Variants in LIMCH1 observed in about 807,000 individuals in gnomAD.
The protein encoded by LIMCH1 is LIM and calponin homology domains-containing protein 1.
A neutral mutation model predicts 176.5 loss-of-function variants in LIMCH1; 113 were observed. The observed-to-expected ratio is 0.64, with a 90% CI of 0.55 to 0.75. The LOEUF is 0.75. Among genes scored for constraint, LIMCH1 ranks in the 30% least tolerant of loss-of-function variants. The pLI is 0.00. For synonymous variants in LIMCH1, 619 were observed against 645.9 expected (o/e 0.96, Z 0.63); for missense variants, 1,674 against 1,814.9 (o/e 0.92, Z 1.41).
intron 15 of LIMCH1, among the ~76,000 whole-genome samples, chr4:41,645,212 A>G (rs1327859312): frequency 1.3e-5 from 2 of 152,202 alleles, no homozygotes; most frequent in Non-Finnish European, 2.9e-5. Context: ...GTGTGCTGAG[A>G]GCCAAAGCGG....
At chr4:41,409,964 G>T (rs1314152969) in intron 1 of LIMCH1, among the ~76,000 whole-genome samples, 2 of 152,130 alleles carry the variant, frequency 1.3e-5, no homozygotes, top group Non-Finnish European at 2.9e-5. Context: ...AAAAACAAAA[G>T]AGAAAAACAT....
chr4:41,649,313 T>C (rs549358246), intron 17 of LIMCH1, among the ~76,000 whole-genome samples: 1 of 152,104 alleles, frequency 6.6e-6, no homozygotes, highest in African/African-American at 2.4e-5. Flanking sequence ...GGCATGAGAA[T>C]TGCTTGAACC....
At chr4:41,664,430 C>T (rs1474343113) in intron 20 of LIMCH1, among the ~76,000 whole-genome samples, 2 of 152,150 alleles carry the variant, frequency 1.3e-5, no homozygotes, top group Non-Finnish European at 2.9e-5. Context: ...TGCCTGTTGC[C>T]TTGATGCGTT....
chr4:41,423,941 C>T lies in LIMCH1; in HGVS notation c.96+63005C>T, dbSNP rs75028305. On this transcript the variant is annotated intron_variant, in intron 1 of 26. Transcript: ENST00000313860. ...GGTGTTTCAGGCTGCCAGGGCCAGT[C>T]AATGAGTTACTCTTTGCCCATGAGT... Among the ~76,000 whole-genome samples the T allele has an allele frequency of 1.4e-4, 21 of 152,046 alleles. No homozygotes were observed. In the East Asian group the frequency reaches 3.9e-3, roughly 28 times the overall value.
At chr4:41,548,649 C>A (rs1234865388) in intron 1 of LIMCH1, among the ~76,000 whole-genome samples, 1 of 152,160 alleles carries the variant, frequency 6.6e-6, no homozygotes, top group Non-Finnish European at 1.5e-5. Context: ...AATCCTGATG[C>A]CTTCCAGATA....
chr4:41,494,331 A>G (rs1237568893), intron 1 of LIMCH1, among the ~76,000 whole-genome samples: 1 of 149,650 alleles, frequency 6.7e-6, no homozygotes, highest in Non-Finnish European at 1.5e-5. Context: ...ATACATATAT[A>G]TACACATACA....
At chr4:41,491,230 CAG>C (rs2154173361) in intron 1 of LIMCH1, among the ~76,000 whole-genome samples, 1 of 144,156 alleles carries the variant, frequency 6.9e-6, no homozygotes, top group East Asian at 2.1e-4. Flanking sequence ...CCCAACTTCC[CAG>C]ATGGGGCGGC....
intron 1 of LIMCH1, among the ~76,000 whole-genome samples, chr4:41,408,964 G>C (rs939961948): frequency 6.6e-6 from 1 of 152,104 alleles, no homozygotes; most frequent in African/African-American, 2.4e-5. Context: ...TTAGTTGTAG[G>C]AATCAATGAC....
At chr4:41,493,663 G>A (rs1292699570) in intron 1 of LIMCH1, among the ~76,000 whole-genome samples, 1 of 152,106 alleles carries the variant, frequency 6.6e-6, no homozygotes, top group Non-Finnish European at 1.5e-5. Flanking sequence ...GATGGGTTTT[G>A]AAACCATTCC....
At position 41,646,787 on chromosome 4, in the gene LIMCH1, G is replaced by T. The variant is rs1439725625; in HGVS notation, c.2714G>T (p.Gly905Val). 2 of 1,614,034 alleles carry T rather than the reference G, an allele frequency of 1.2e-6. No individual in the cohort carries two copies. The highest frequency in any genetic ancestry group is 1.7e-6 in the Non-Finnish European group (2 of 1,180,030). ...GTTCTGGATACCAGCATGTCAGCAG[G>T]CAGTGGGTCTCCAAGCAAAACTGTC... ...ASVLDTSMSA[G>V]SGSPSKTVTP... The change falls in exon 17 of 32, where the codon GGC becomes GTC. Residue 905 changes from glycine to valine, a missense_variant. Gly to Val is a moderately radical substitution (Grantham distance 109). Coordinates refer to ENST00000503057, the MANE Select transcript of LIMCH1 (RefSeq NM_001330672.2).
chr4:41,613,230 G>C (rs1315424683), intron 4 of LIMCH1: 17 of 905,364 alleles, frequency 1.9e-5, no homozygotes, highest in Non-Finnish European at 2.8e-5. Flanking sequence ...AGTTATTTGG[G>C]GATTTTTTTA....
At chr4:41,407,041 A>G (rs1353682186) in intron 1 of LIMCH1, among the ~76,000 whole-genome samples, 2 of 152,140 alleles carry the variant, frequency 1.3e-5, no homozygotes, top group African/African-American at 2.4e-5. Context: ...TAATATGTCA[A>G]TCCAGATCCA....
At chr4:41,620,209 A>G (rs2092456230) in intron 6 of LIMCH1, 1 of 511,646 alleles carries the variant, frequency 2.0e-6, no homozygotes, top group African/African-American at 1.9e-5. Context: ...GCCTTTCATT[A>G]TCAAGTCTGG....
intron 18 of LIMCH1, among the ~76,000 whole-genome samples, chr4:41,658,648 T>C (rs1298561713): frequency 6.6e-6 from 1 of 152,202 alleles, no homozygotes; most frequent in Non-Finnish European, 1.5e-5. Flanking sequence ...TAAATCAGGA[T>C]CTGTCTTATA....
chr4:41,599,097 G>T (rs1010116773), intron 2 of LIMCH1, 71 bp downstream of exon 2: 4 of 908,508 alleles, frequency 4.4e-6, no homozygotes, highest in Non-Finnish European at 5.4e-6. Context: ...TGATGATGTT[G>T]TAAGTTCTAA....
At chr4:41,599,253 A>C (rs927058947) in intron 2 of LIMCH1, 3 of 366,582 alleles carry the variant, frequency 8.2e-6, no homozygotes, top group Non-Finnish European at 1.5e-5. Flanking sequence ...TTGCATATAG[A>C]GTTTGAATTT....
rs180695684 is a variant in LIMCH1, at chr4:41,466,376, A to G, written c.97-28160A>G. 2.9e-3 allele frequency among the ~76,000 whole-genome samples: 444 copies of G among 152,354 alleles called. 2 individuals are homozygous for G. The highest frequency in any genetic ancestry group is 5.3e-3 in the Non-Finnish European group (360 of 68,022). On this transcript the variant is annotated intron_variant, in intron 1 of 26. Coordinates refer to the LIMCH1 transcript ENST00000313860. ...TAAAAAATGGCAATGCCCAGGCCCC[A>G]CTTCACAACAATTAAATTAGACTCT...
intron 1 of LIMCH1, among the ~76,000 whole-genome samples, chr4:41,386,597 T>G (rs1253648335): frequency 6.6e-6 from 1 of 152,188 alleles, no homozygotes; most frequent in Non-Finnish European, 1.5e-5. Context: ...ACAATTAGTT[T>G]TTGTTGTTGT....
chr4:41,559,010 A>G (rs2081692519), intron 1 of LIMCH1, among the ~76,000 whole-genome samples: 2 of 152,140 alleles, frequency 1.3e-5, no homozygotes, highest in South Asian at 4.1e-4. Context: ...TTGGTTTTGT[A>G]TTATCCAAAA....
Sources: allele counts gnomAD v4.1 joint callset (sites outside exome capture counted in the v4.1 genomes callset), GRCh38; gene constraint gnomAD v4.1.1; transcripts MANE v1.5; gene names NCBI Gene and HGNC (gene_info 2026-07-23, HGNC 2026-07-21).